The following CFAP157 variants were observed in gnomAD, a reference collection of about 807,000 sequenced individuals.
The protein encoded by CFAP157 is cilia- and flagella-associated protein 157.
A neutral mutation model predicts 57.8 loss-of-function variants in CFAP157; 43 were observed. The ratio of observed to expected loss-of-function variants is 0.74; its 90% CI spans 0.58 to 0.96. CFAP157 has a LOEUF of 0.96. CFAP157 is among the 40% of genes least tolerant of loss of function. CFAP157 has a pLI of 0.00. For missense variants in CFAP157, 606 were observed against 655.3 expected, an observed-to-expected ratio of 0.92 and a Z score of 0.82; for synonymous variants, 267 against 269.0, an observed-to-expected ratio of 0.99 and a Z score of 0.07.
Position 127,714,440 on chromosome 9 carries a change from GA to G in CFAP157, c.*536del. ...ATTGTGGCCCCTTCAAGGGATATGG[GA>G]GGGGCAGTTAGTGCCTCCCTGGGGC... On this transcript the variant is annotated 3_prime_UTR_variant, in exon 9 of 9. Transcript: ENST00000373295. 1 of 1,614,048 alleles carries G rather than the reference GA, an allele frequency of 6.2e-7. No homozygotes were observed. The highest frequency in any genetic ancestry group is 8.5e-7 in the Non-Finnish European group (1 of 1,179,920).
Position 127,715,789 on chromosome 9 carries a change from G to A in CFAP157, c.*1884G>A, listed in dbSNP as rs116419828. On this transcript the variant is annotated 3_prime_UTR_variant, in exon 9 of 9. Transcript: ENST00000373295. This position sits in a 1 kb window ranked among gnomAD's most constrained non-coding sequence, Gnocchi z 5.8. ...TTCTGAGGGGCGGAAGCGGCGAGGCGGTGGCCGAGTCCGGGAACCCAGGCG... is the reference window on the plus strand; with the variant it reads ...TTCTGAGGGGCGGAAGCGGCGAGGCAGTGGCCGAGTCCGGGAACCCAGGCG... The A allele has an allele frequency of 3.5e-3, 5,178 of 1,463,644 alleles. 75 individuals carry two copies. In the African/African-American group the frequency reaches 0.04, roughly 11 times the overall value. 90.7% of individuals were successfully genotyped at this position (1,463,644 alleles called of 1,614,324 possible). A position where few individuals can be genotyped will look rare whatever the true frequency, so the allele number is the denominator to read the frequency against.
At position 127,713,108 on chromosome 9, in the gene CFAP157, G is replaced by A. The variant is rs780458865; in HGVS notation, c.1393G>A (p.Val465Ile). 2 of 1,613,490 alleles carry A rather than the reference G, an allele frequency of 1.2e-6. No homozygotes were observed. The highest frequency in any genetic ancestry group is 4.5e-5 in the East Asian group (2 of 44,888). ...TPYQPGDLGL[V>I]PRQVHIPPNP... Reference sequence around the variant, plus strand: ...CTACCAGCCGGGGGATCTAGGCCTGGTACCTCGCCAGGTCCACATCCCACC... The same window carrying A: ...CTACCAGCCGGGGGATCTAGGCCTGATACCTCGCCAGGTCCACATCCCACC... The change falls in exon 8 of 9, where the codon GTA (valine) becomes ATA (isoleucine). Residue 465 changes from valine to isoleucine, a missense_variant. Physicochemically the swap from Val to Ile is conservative, Grantham distance 29. Transcript: ENST00000373295.
chr9:127,711,631 TG>T, intron 4 of CFAP157, 135 bp downstream of exon 4: 6 of 1,245,176 alleles, frequency 4.8e-6, no homozygotes, highest in Non-Finnish European at 6.6e-6. Flanking sequence ...GGGCCTCCTG[TG>T]GGGGCTGCAG....
Position 127,712,747 on chromosome 9 carries a change from G to C in CFAP157, c.1176G>C (p.Thr392=). 2 of 1,614,206 alleles carry C rather than the reference G, an allele frequency of 1.2e-6. No homozygotes were observed. The highest frequency in any genetic ancestry group is 1.7e-6 in the Non-Finnish European group (2 of 1,180,030). Residue 392 remains threonine (T), a synonymous_variant, in exon 7 of 9, where the codon ACG becomes ACC. Coordinates refer to ENST00000373295, the MANE Select transcript of CFAP157 (RefSeq NM_001012502.3). ...AAGAGGACAGTGACGTTGACGTGAC[G>C]TTCCAGCCATGGCACAAGGAGATGC... is the stretch of plus-strand genomic sequence containing the variant. ...RDEEDSDVDV[T]FQPWHKEMLQ...
In CFAP157 at chr9:127,709,474, G is replaced by A. The variant is rs757589198; in HGVS notation, c.214G>A (p.Glu72Lys). The stretch of plus-strand genomic sequence containing the variant: ...TGTGCAGGAGAAGATGTTCCGCCAG[G>A]AGTTTGAGCAGCTGGCCAATAACAA... ...LAVQEKMFRQ[E>K]FEQLANNKKE... The change falls in exon 2 of 9, where the codon GAG becomes AAG. Residue 72 changes from glutamate to lysine, a missense_variant. Physicochemically the swap from Glu to Lys is moderately conservative, Grantham distance 56. Coordinates refer to ENST00000373295, the MANE Select transcript of CFAP157 (RefSeq NM_001012502.3). The surrounding 1 kb of genome is among the most constrained non-coding windows in gnomAD (Gnocchi z 4.7). 5.6e-6 allele frequency: 9 copies of A among 1,614,032 alleles called. No individual in the cohort carries two copies. The South Asian group carries it at 8.8e-5, about 16-fold the overall frequency.
chr9:127,715,718 T>A lies in CFAP157; in HGVS notation c.*1813T>A, dbSNP rs542015547. 2 of 1,555,518 alleles carry A rather than the reference T, an allele frequency of 1.3e-6. No homozygotes were observed. Among genetic ancestry groups the A allele is most frequent in the South Asian group, 1.2e-5 (1 of 86,256 alleles). On this transcript the variant is annotated 3_prime_UTR_variant, in exon 9 of 9. Transcript: ENST00000373295. The surrounding 1 kb of genome is among the most constrained non-coding windows in gnomAD (Gnocchi z 5.8). ...CAATCGTGTTGCCAACTGTTTGGCG[T>A]CCACCGCCAACGTCCAATCCGGGCC...
Position 127,711,839 on chromosome 9 carries a change from A to G in CFAP157, c.875A>G (p.Lys292Arg). 2 of 1,571,856 alleles carry G rather than the reference A, an allele frequency of 1.3e-6. No individual in the cohort carries two copies. Among genetic ancestry groups the G allele is most frequent in the Non-Finnish European group, 1.7e-6 (2 of 1,158,786 alleles). ...CCGCAGATCATCCTCATGCTGACTA[A>G]GAAGTGCCAGGAGCAGCAGCAGGAC... ...GHQKIILMLT[K>R]KCQEQQQDTK... Residue 292 changes from lysine (K) to arginine (R), a missense_variant, in exon 5 of 9, where the codon AAG (lysine) becomes AGG (arginine). By Grantham distance (26) the Lys-to-Arg change is conservative. Coordinates refer to ENST00000373295, the MANE Select transcript of CFAP157 (RefSeq NM_001012502.3).
At position 127,713,038 on chromosome 9, in the gene CFAP157, G is replaced by A; in HGVS notation, c.1323G>A (p.Leu441=). 2 of 1,613,546 alleles carry A rather than the reference G, an allele frequency of 1.2e-6. No individual in the cohort carries two copies. The highest frequency in any genetic ancestry group is 2.2e-5 in the East Asian group (1 of 44,866). ...CCCACAGCCGGCCCAGCATCCAGCT[G>A]CCCAGGACTGGGTCTCTGCTGCCGC... ...PPKESRPSIQ[L]PRTGSLLPQL... Residue 441 remains leucine (L), a synonymous_variant, in exon 8 of 9, where the codon CTG becomes CTA. Transcript: ENST00000373295.
intron 3 of CFAP157, 114 bp downstream of exon 3, chr9:127,710,868 G>A (rs996141005): frequency 2.0e-5 from 24 of 1,217,054 alleles, no homozygotes; most frequent in South Asian, 5.9e-5. Flanking sequence ...GAAACTGACC[G>A]CCGCCCCGAC....
intron 2 of CFAP157, among the ~76,000 whole-genome samples, chr9:127,710,295 A>AC (rs1554781378): frequency 0.014 from 2,205 of 152,088 alleles, 66 homozygotes; most frequent in African/African-American, 0.049. Context: ...AAAAAAAAAA[A>AC]AAAACAAAAC....
rs1305310343 is a variant in CFAP157 at position 127,712,302 on chromosome 9, G to C, written c.1090G>C (p.Glu364Gln). ...ANEQKVRASL[E>Q]AALVQATSFL... ...TGAGCAGAAGGTTCGGGCCAGCCTG[G>C]AGGCGGCTCTGGTCCAGGCCACCTC... Residue 364 changes from glutamate (E) to glutamine (Q), a missense_variant, in exon 6 of 9, where the codon GAG (glutamate) becomes CAG (glutamine). Physicochemically the swap from Glu to Gln is conservative, Grantham distance 29. Coordinates refer to ENST00000373295, the MANE Select transcript of CFAP157 (RefSeq NM_001012502.3). 1.2e-6 allele frequency: 2 copies of C among 1,614,084 alleles called. No homozygotes were observed. The highest frequency in any genetic ancestry group is 1.7e-5 in the Admixed American group (1 of 60,022).
chr9:127,708,879 G>A (rs1842703535), intron 1 of CFAP157, among the ~76,000 whole-genome samples: 1 of 152,230 alleles, frequency 6.6e-6, no homozygotes, highest in African/African-American at 2.4e-5. Context: ...CAAAGACTTG[G>A]GATTGGAAAG....
Position 127,715,437 on chromosome 9 carries a change from G to A in CFAP157, c.*1532G>A. The A allele has an allele frequency of 6.7e-7, 1 of 1,502,060 alleles. No homozygotes were observed. The highest frequency in any genetic ancestry group is 9.1e-7 in the Non-Finnish European group (1 of 1,097,078). The allele number at this position is 1,502,060 out of a possible 1,614,324, so 93.0% of individuals were successfully genotyped here. On this transcript the variant is annotated 3_prime_UTR_variant, in exon 9 of 9. Coordinates refer to ENST00000373295, the MANE Select transcript of CFAP157 (RefSeq NM_001012502.3). The surrounding 1 kb of genome is among the most constrained non-coding windows in gnomAD (Gnocchi z 5.8). ...AGCCCGTCGAGCACTGAACTCACCA[G>A]TTAAGAAAACAGAGCAGCAATTTGG...
chr9:127,709,783 C>A lies in CFAP157; in HGVS notation c.433+90C>A. 2 of 1,372,430 alleles carry A rather than the reference C, an allele frequency of 1.5e-6. No homozygotes were observed. Among genetic ancestry groups the A allele is most frequent in the Admixed American group, 2.1e-5 (1 of 46,560 alleles). The allele number at this position is 1,372,430 out of a possible 1,614,324, so 85.0% of individuals were successfully genotyped here. A position where few individuals can be genotyped will look rare whatever the true frequency, so the allele number is the denominator to read the frequency against. Reference sequence around the variant, plus strand: ...CTCACCTGGGAAACAGGGATAATAGCCACATGCTGCTTGGCACACACTGTC... The same window carrying A: ...CTCACCTGGGAAACAGGGATAATAGACACATGCTGCTTGGCACACACTGTC... On this transcript the variant is annotated intron_variant, in intron 2 of 8. Transcript: ENST00000373295. This position sits in a 1 kb window ranked among gnomAD's most constrained non-coding sequence, Gnocchi z 4.7.
chr9:127,714,479 C>T lies in CFAP157; in HGVS notation c.*574C>T. 3 of 1,607,446 alleles carry T rather than the reference C, an allele frequency of 1.9e-6. No individual in the cohort carries two copies. The highest frequency in any genetic ancestry group is 2.2e-5 in the South Asian group (2 of 90,930). ...GCCTCCCTGGGGCAGTGTCCTTCCA[C>T]CCCTCCCTGCCCCGGCTGGGTCAGA... On this transcript the variant is annotated 3_prime_UTR_variant, in exon 9 of 9. Coordinates refer to ENST00000373295, the MANE Select transcript of CFAP157 (RefSeq NM_001012502.3).
intron 1 of CFAP157, among the ~76,000 whole-genome samples, chr9:127,708,711 G>A (rs1842700550): frequency 6.6e-6 from 1 of 152,192 alleles, no homozygotes; most frequent in Non-Finnish European, 1.5e-5. Context: ...GTGGAGGAGA[G>A]GGACATGTTA....
At chr9:127,712,138 C>G in intron 5 of CFAP157, 61 bp from the exon 6 acceptor site, 1 of 1,592,220 alleles carries the variant, frequency 6.3e-7, no homozygotes, top group Non-Finnish European at 8.6e-7. Context: ...GCCCCTGGCC[C>G]CAGGTGGCCC....
chr9:127,711,358 C>T lies in CFAP157; in HGVS notation c.717C>T (p.Ala239=), dbSNP rs752496154. 6.2e-7 allele frequency: 1 copy of T among 1,614,182 alleles called. No homozygotes were observed. The highest frequency in any genetic ancestry group is 8.5e-7 in the Non-Finnish European group (1 of 1,180,046). Residue 239 remains alanine, a synonymous_variant, in exon 4 of 9, where the codon GCC becomes GCT. Coordinates refer to ENST00000373295, the MANE Select transcript of CFAP157 (RefSeq NM_001012502.3). The stretch of plus-strand genomic sequence containing the variant: ...ACAACGGCATTACCCTGCAGATGGC[C>T]AGGGTCTCCCAGCAAGGCATGAAGC... ...KENNGITLQM[A]RVSQQGMKLL... is the part of the protein sequence containing the mutation.
chr9:127,711,263 G>A lies in CFAP157; in HGVS notation c.622G>A (p.Val208Met), dbSNP rs374820025. 12 of 1,614,036 alleles carry A rather than the reference G, an allele frequency of 7.4e-6. No individual in the cohort carries two copies. The highest frequency in any genetic ancestry group is 4.5e-5 in the East Asian group (2 of 44,890). ...AGAGATCATCCAGCGCGTGAACCTC[G>A]TGGCCAATGAGTTCCACAAGGTGAC... Reference protein sequence around the residue: ...RKEIIQRVNLVANEFHKVTTN... With the variant: ...RKEIIQRVNLMANEFHKVTTN... The change falls in exon 4 of 9, where the codon GTG (valine) becomes ATG (methionine). Residue 208 changes from valine (V) to methionine (M), a missense_variant. Coordinates refer to ENST00000373295, the MANE Select transcript of CFAP157 (RefSeq NM_001012502.3).
Sources: allele counts gnomAD v4.1 joint callset (sites outside exome capture counted in the v4.1 genomes callset), GRCh38; gene constraint gnomAD v4.1.1; non-coding constraint Gnocchi (gnomAD v3.1); transcripts MANE v1.5; gene names NCBI Gene and HGNC (gene_info 2026-07-23, HGNC 2026-07-21).